The following ZRANB2 variants were observed in gnomAD, a reference collection of about 807,000 sequenced individuals.
ZRANB2 encodes zinc finger Ran-binding domain-containing protein 2.
ZRANB2 carries 19 observed loss-of-function variants against 53.4 expected under a neutral mutation model. The ratio of observed to expected loss-of-function variants is 0.36; its 90% CI spans 0.25 to 0.52. The LOEUF (loss-of-function observed/expected upper bound fraction) is 0.52, where lower values mean the gene tolerates loss of function less well. Among genes scored for constraint, ZRANB2 ranks in the 20% least tolerant of loss-of-function variants. The probability of loss-of-function intolerance (pLI) is 0.93; values close to 1 mark genes in which losing one functional copy is unlikely to be tolerated. For missense variants in ZRANB2, 309 were observed against 401.1 expected (o/e 0.77, Z 1.96); for synonymous variants, 145 against 134.8 (o/e 1.08, Z -0.52).
intron 1 of ZRANB2, among the ~76,000 whole-genome samples, chr1:71,079,218 T>C (rs1301449479): frequency 6.6e-6 from 1 of 152,044 alleles, no homozygotes; most frequent in African/African-American, 2.4e-5. Context: ...TACAAAAAGA[T>C]TCAATAATTG....
chr1:71,071,061 C>A (rs1573054998), intron 6 of ZRANB2, 65 bp from the exon 7 acceptor site: 1 of 1,410,374 alleles, frequency 7.1e-7, no homozygotes, highest in Non-Finnish European at 9.4e-7. Context: ...AAAGATAAAA[C>A]AGTTAGGTGT....
intron 4 of ZRANB2, among the ~76,000 whole-genome samples, chr1:71,075,160 A>C (rs536937824): frequency 1.2e-4 from 18 of 152,162 alleles, no homozygotes; most frequent in African/African-American, 4.3e-4. Flanking sequence ...TGGGTTTTTT[A>C]AAAAAGGATT....
At chr1:71,070,545 A>G (rs79764325) in intron 7 of ZRANB2, among the ~76,000 whole-genome samples, 4,270 of 152,242 alleles carry the variant, frequency 0.028, 92 homozygotes, top group Middle Eastern at 0.044. Flanking sequence ...TTAATTAAAT[A>G]TAAGTGTATA....
chr1:71,079,074 C>A (rs115024773), intron 1 of ZRANB2, among the ~76,000 whole-genome samples: 1 of 151,958 alleles, frequency 6.6e-6, no homozygotes, highest in Non-Finnish European at 1.5e-5. Context: ...GAGTTTTAAA[C>A]CCTAGCGGTG....
At chr1:71,069,002 T>A (rs1333235464) in intron 8 of ZRANB2, among the ~76,000 whole-genome samples, 3 of 152,088 alleles carry the variant, frequency 2.0e-5, no homozygotes, top group Non-Finnish European at 4.4e-5. Context: ...CTTGGCTTCA[T>A]CTTCCTACTT....
At position 71,065,006 on chromosome 1, in the gene ZRANB2, C is replaced by T. The variant is rs899892793; in HGVS notation, c.*68G>A. 100 of 1,191,732 alleles carry T rather than the reference C, an allele frequency of 8.4e-5. No homozygotes were observed. The highest frequency in any genetic ancestry group is 1.2e-4 in the Non-Finnish European group (98 of 824,394). The allele number at this position is 1,191,732 out of a possible 1,614,324, so 73.8% of individuals were successfully genotyped here. A position where few individuals can be genotyped will look rare whatever the true frequency, so the allele number is the denominator to read the frequency against. ...ATTTAGCACTTCTGACCAAGTAAGA[C>T]ACCAACTTCTTTAAAAATATGCTTC... On this transcript the variant is annotated 3_prime_UTR_variant, in exon 10 of 10. Coordinates refer to ENST00000370920, the MANE Select transcript of ZRANB2 (RefSeq NM_203350.3).
intron 9 of ZRANB2, chr1:71,066,388 TA>T (rs1661437666): frequency 6.3e-6 from 1 of 159,884 alleles, no homozygotes; most frequent in Non-Finnish European, 1.4e-5. Flanking sequence ...ATCTGAAAGT[TA>T]ATTTTTTATT....
intron 9 of ZRANB2, chr1:71,065,579 C>T (rs1025956786): frequency 2.8e-6 from 4 of 1,452,090 alleles, no homozygotes; most frequent in Non-Finnish European, 3.6e-6. Flanking sequence ...AGAAAATATA[C>T]TCATAAATAA....
At chr1:71,065,202 T>G in intron 9 of ZRANB2, 65 bp from the exon 10 acceptor site, 1 of 1,306,186 alleles carries the variant, frequency 7.7e-7, no homozygotes, top group South Asian at 1.3e-5. Context: ...GCATTCATTC[T>G]TAAGACTGTG....
intron 7 of ZRANB2, 95 bp downstream of exon 7, chr1:71,070,732 G>T: frequency 1.4e-6 from 1 of 711,688 alleles, no homozygotes; most frequent in South Asian, 3.4e-5. Flanking sequence ...AAATAAAAAG[G>T]AAAGTTTATT....
intron 4 of ZRANB2, among the ~76,000 whole-genome samples, chr1:71,075,805 C>T (rs970671227): frequency 3.3e-5 from 5 of 150,054 alleles, no homozygotes; most frequent in Non-Finnish European, 5.9e-5. Context: ...AAGAATAAGG[C>T]AGGATTTGAG....
intron 8 of ZRANB2, among the ~76,000 whole-genome samples, chr1:71,068,019 C>G (rs558477509): frequency 6.6e-6 from 1 of 152,112 alleles, no homozygotes; most frequent in African/African-American, 2.4e-5. Flanking sequence ...ACCACCATGC[C>G]TGGCTGGTTG....
chr1:71,065,589 A>G (rs886131128), intron 9 of ZRANB2: 38 of 1,474,878 alleles, frequency 2.6e-5, no homozygotes, highest in Non-Finnish European at 3.3e-5. Flanking sequence ...CTCATAAATA[A>G]GTTTTGGAAA....
In ZRANB2 at chr1:71,069,372, C is replaced by T; in HGVS notation, c.684-10G>A. 6.2e-7 allele frequency: 1 copy of T among 1,610,726 alleles called. No homozygotes were observed. The highest frequency in any genetic ancestry group is 1.1e-5 in the South Asian group (1 of 90,660). ...ACTTCTTGAACGGGACCTGGAACAA[C>T]ATGGAACGATTTTTTTTTTCCAGGA... On this transcript the variant is annotated splice_polypyrimidine_tract_variant and intron_variant, in intron 7 of 9. Transcript: ENST00000370920.
At chr1:71,074,647 C>A (rs1223145310) in intron 4 of ZRANB2, among the ~76,000 whole-genome samples, 1 of 147,722 alleles carries the variant, frequency 6.8e-6, no homozygotes, top group Non-Finnish European at 1.5e-5. Flanking sequence ...ATGCCATTAT[C>A]TTTAATGGTT....
chr1:71,071,300 T>G (rs1472174531), intron 6 of ZRANB2, among the ~76,000 whole-genome samples: 2 of 152,156 alleles, frequency 1.3e-5, no homozygotes, highest in Non-Finnish European at 1.5e-5. Flanking sequence ...TTTTTAGTCT[T>G]AGACACTCTG....
chr1:71,069,077 A>G (rs1006735248), intron 8 of ZRANB2, among the ~76,000 whole-genome samples, 199 bp downstream of exon 8: 26 of 151,966 alleles, frequency 1.7e-4, no homozygotes, highest in Admixed American at 1.7e-3. Context: ...GATTTCAATC[A>G]TGGGAATGTC....
chr1:71,069,385 T>C (rs757750894), intron 7 of ZRANB2, 23 bp from the exon 8 acceptor site: 3 of 1,605,596 alleles, frequency 1.9e-6, no homozygotes, highest in South Asian at 1.1e-5. Flanking sequence ...GGAACGATTT[T>C]TTTTTTCCAG....
chr1:71,065,260 T>C (rs1661397703), intron 9 of ZRANB2, 123 bp from the exon 10 acceptor site: 1 of 692,312 alleles, frequency 1.4e-6, no homozygotes. Context: ...AAATTAAAAA[T>C]TGAGATAGGA....
Sources: gnomAD v4.1 joint callset for allele counts (sites outside exome capture counted in the v4.1 genomes callset) on GRCh38, gnomAD v4.1.1 for gene constraint, MANE v1.5 for transcripts, NCBI Gene and HGNC (gene_info 2026-07-23, HGNC 2026-07-21) for gene names.